The following DGKG variants were observed in gnomAD, a reference collection of about 807,000 sequenced individuals.
DGKG encodes diacylglycerol kinase gamma.
DGKG carries 78 observed loss-of-function variants against 105.3 expected under a neutral mutation model. That is an observed-to-expected ratio of 0.74 (90% CI 0.62 to 0.89). The LOEUF is 0.89. Among genes scored for constraint, DGKG ranks in the 40% least tolerant of loss-of-function variants. The pLI, the probability that DGKG is intolerant of heterozygous loss-of-function variation, is 0.00. For synonymous variants in DGKG, 346 were observed against 367.1 expected, an observed-to-expected ratio of 0.94 and a Z score of 0.66; for missense variants, 958 against 1,020.1, an observed-to-expected ratio of 0.94 and a Z score of 0.83.
At chr3:186,306,865 G>C in intron 3 of DGKG, 36 bp downstream of exon 3, 1 of 1,411,004 alleles carries the variant, frequency 7.1e-7, no homozygotes, top group South Asian at 1.2e-5. Flanking sequence ...AAAAAACACA[G>C]GGGTTTTTAA....
rs1722565159 is a variant in DGKG, at chr3:186,275,968, CT to C, written c.793-305del. The stretch of plus-strand genomic sequence containing the variant: ...CTGATCTATCTATCTATCTATCTAT[CT>C]ATCTATCTATCTATCTATCTATCTA... On this transcript the variant is annotated intron_variant, in intron 9 of 24. Transcript: ENST00000265022. 2.0e-5 allele frequency among the ~76,000 whole-genome samples: 3 copies of C among 150,220 alleles called. No individual in the cohort carries two copies. In the South Asian group the frequency reaches 6.3e-4, roughly 31 times the overall value.
chr3:186,267,319 A>G (rs1201948258), intron 13 of DGKG, among the ~76,000 whole-genome samples: 1 of 152,196 alleles, frequency 6.6e-6, no homozygotes, highest in Non-Finnish European at 1.5e-5. Flanking sequence ...GCAATTGGCA[A>G]CAGTTTAGTC....
intron 5 of DGKG, among the ~76,000 whole-genome samples, chr3:186,295,076 A>G (rs1346645718): frequency 3.9e-5 from 6 of 152,156 alleles, no homozygotes; most frequent in Non-Finnish European, 5.9e-5. Context: ...TAATCCTTCC[A>G]GTTTCTCTTT....
intron 1 of DGKG, among the ~76,000 whole-genome samples, chr3:186,353,484 A>C (rs1407988760): frequency 6.6e-6 from 1 of 151,416 alleles, no homozygotes; most frequent in East Asian, 1.9e-4. Context: ...ACAGCACTGC[A>C]CTTCAGCCTG....
chr3:186,255,336 G>A (rs1721415355), intron 17 of DGKG, among the ~76,000 whole-genome samples: 1 of 152,240 alleles, frequency 6.6e-6, no homozygotes, highest in South Asian at 2.1e-4. Flanking sequence ...TAATAATGAG[G>A]AATCCATGGA....
intron 21 of DGKG, among the ~76,000 whole-genome samples, chr3:186,191,418 C>T (rs934483746): frequency 2.0e-5 from 3 of 152,160 alleles, no homozygotes; most frequent in African/African-American, 7.2e-5. Flanking sequence ...TGGCTAGAAC[C>T]TACTCTGTTT....
At chr3:186,175,698 G>A (rs889055432) in intron 22 of DGKG, among the ~76,000 whole-genome samples, 1 of 152,158 alleles carries the variant, frequency 6.6e-6, no homozygotes, top group African/African-American at 2.4e-5. Context: ...CACAGACTCC[G>A]CAGCCTAGAG....
intron 3 of DGKG, among the ~76,000 whole-genome samples, chr3:186,304,669 G>T (rs1255802992): frequency 1.3e-5 from 2 of 152,244 alleles, no homozygotes; most frequent in African/African-American, 4.8e-5. Flanking sequence ...AATAGGTACA[G>T]ATTTTTAAGT....
rs2108572407 is a variant in DGKG at position 186,260,431 on chromosome 3, C to G, written c.1424+8G>C. 6.2e-7 allele frequency: 1 copy of G among 1,600,448 alleles called. No individual in the cohort carries two copies. The highest frequency in any genetic ancestry group is 2.2e-5 in the East Asian group (1 of 44,808). ...AGAAATAAGAGGTAAAGATTGTGAT[C>G]TCCATACCCTGGAGTAGGCCCCCCA... On this transcript the variant is annotated splice_region_variant and intron_variant, in intron 16 of 24. Transcript: ENST00000265022.
chr3:186,350,175 C>A (rs1411616788), intron 1 of DGKG, among the ~76,000 whole-genome samples: 1 of 152,172 alleles, frequency 6.6e-6, no homozygotes, highest in African/African-American at 2.4e-5. Flanking sequence ...TAGGCATGAG[C>A]CACCATGCTC....
At chr3:186,222,009 G>C (rs1265739847) in intron 20 of DGKG, among the ~76,000 whole-genome samples, 1 of 152,334 alleles carries the variant, frequency 6.6e-6, no homozygotes, top group Non-Finnish European at 1.5e-5. Flanking sequence ...GCGCTCTTTT[G>C]ATCCTCACGT....
chr3:186,261,839 G>C, intron 14 of DGKG, 61 bp from the exon 15 acceptor site: 1 of 1,114,566 alleles, frequency 9.0e-7, no homozygotes. Flanking sequence ...CGTGAGATGA[G>C]AGTTGAAGCC....
chr3:186,316,746 G>C (rs1470711942), intron 2 of DGKG, among the ~76,000 whole-genome samples: 1 of 152,180 alleles, frequency 6.6e-6, no homozygotes, highest in Admixed American at 6.5e-5. Context: ...AAAACAACAA[G>C]AGCCTCTCCT....
intron 5 of DGKG, among the ~76,000 whole-genome samples, chr3:186,295,631 T>C (rs1723515373): frequency 1.3e-5 from 1 of 76,482 alleles, no homozygotes; most frequent in African/African-American, 5.4e-5. Context: ...AAAATGATAA[T>C]GCACAGTAAA....
chr3:186,178,155 C>T (rs1170495841), intron 22 of DGKG, among the ~76,000 whole-genome samples: 1 of 152,212 alleles, frequency 6.6e-6, no homozygotes, highest in Non-Finnish European at 1.5e-5. Context: ...GCCTCCAGAA[C>T]TGTGAGAGAT....
intron 2 of DGKG, among the ~76,000 whole-genome samples, chr3:186,315,377 C>T (rs1190672555): frequency 6.6e-6 from 1 of 152,200 alleles, no homozygotes; most frequent in Non-Finnish European, 1.5e-5. Context: ...ACGAGCTCTT[C>T]TTCACCTTTC....
At chr3:186,172,475 C>A (rs780798848) in intron 22 of DGKG, among the ~76,000 whole-genome samples, 13 of 152,214 alleles carry the variant, frequency 8.5e-5, no homozygotes, top group Non-Finnish European at 1.3e-4. Flanking sequence ...CTGCCCCATA[C>A]CTTAGAGCAT....
chr3:186,337,272 T>A (rs1725873496), intron 1 of DGKG, among the ~76,000 whole-genome samples: 2 of 152,138 alleles, frequency 1.3e-5, no homozygotes, highest in Admixed American at 6.5e-5. Flanking sequence ...AACAGTTTAT[T>A]TCAGTAAGGC....
intron 22 of DGKG, among the ~76,000 whole-genome samples, chr3:186,187,016 G>A (rs139577288): frequency 2.1e-3 from 317 of 152,386 alleles, no homozygotes; most frequent in African/African-American, 7.4e-3. Flanking sequence ...AACCAGAGTG[G>A]AGGAGGCAGA....
Sources: gnomAD v4.1 joint callset for allele counts (sites outside exome capture counted in the v4.1 genomes callset) on GRCh38, gnomAD v4.1.1 for gene constraint, MANE v1.5 for transcripts, NCBI Gene and HGNC (gene_info 2026-07-23, HGNC 2026-07-21) for gene names.